Variants in CCL19 observed in about 807,000 individuals in gnomAD.
CCL19 encodes the protein C-C motif chemokine 19.
CCL19 carries 5 observed loss-of-function variants against 9.7 expected under a neutral mutation model. The ratio of observed to expected loss-of-function variants is 0.51; its 90% CI spans 0.27 to 1.08. CCL19 has a LOEUF of 1.08. Ranked by LOEUF, CCL19 falls within the 50% of genes least tolerant of loss-of-function variation. The pLI is 0.12. For synonymous variants in CCL19, 40 were observed against 47.4 expected (o/e 0.84, Z 0.64); for missense variants, 90 against 122.5 (o/e 0.73, Z 1.25).
At position 34,690,837 on chromosome 9, in the gene CCL19, T is replaced by C. The variant is rs184479133; in HGVS notation, c.49+254A>G. ...AACGGAGGCAGCAGGAAATAGAGCTTGCAGAGACAGTCACAGCCATAGGCC... is the reference window on the plus strand; with the variant it reads ...AACGGAGGCAGCAGGAAATAGAGCTCGCAGAGACAGTCACAGCCATAGGCC... On this transcript the variant is annotated intron_variant, in intron 1 of 3. Coordinates refer to ENST00000311925, the MANE Select transcript of CCL19 (RefSeq NM_006274.3). Among the ~76,000 whole-genome samples, 3 of 152,270 alleles carry C rather than the reference T, an allele frequency of 2.0e-5. No individual in the cohort carries two copies. The East Asian group carries it at 5.8e-4, about 29-fold the overall frequency.
rs192142582 is a variant in CCL19 at position 34,689,818 on chromosome 9, G to C, written c.*1C>G. On this transcript the variant is annotated 3_prime_UTR_variant, in exon 4 of 4. Transcript: ENST00000311925. This position sits in a 1 kb window ranked among gnomAD's most constrained non-coding sequence, Gnocchi z 4.1. ...CCGGGCTCCCTCTGCACGGTCATAG[G>C]TTAACTGCTGCGGCGCTTCATCTAG... 1 of 1,614,186 alleles carries C rather than the reference G, an allele frequency of 6.2e-7. No individual in the cohort carries two copies. Among genetic ancestry groups the C allele is most frequent in the East Asian group, 2.2e-5 (1 of 44,880 alleles).
At position 34,691,144 on chromosome 9, in the gene CCL19, G is replaced by A. The variant is rs1362662631; in HGVS notation, c.-5C>T. ...GAGGGCCAGTAGCAGGGCCATGGAG[G>A]GTGAACAGAGGCAGGCCAACGGTGA... On this transcript the variant is annotated 5_prime_UTR_variant, in exon 1 of 4. Transcript: ENST00000311925. 6.2e-7 allele frequency: 1 copy of A among 1,613,314 alleles called. No homozygotes were observed. Among genetic ancestry groups the A allele is most frequent in the Non-Finnish European group, 8.5e-7 (1 of 1,179,678 alleles).
In CCL19 at chr9:34,689,719, C is replaced by A. The variant is rs1293186306; in HGVS notation, c.*100G>T. 6.4e-6 allele frequency: 9 copies of A among 1,410,598 alleles called. No homozygotes were observed. In the African/African-American group the frequency reaches 1.3e-4, roughly 20 times the overall value. 87.4% of individuals were successfully genotyped at this position (1,410,598 alleles called of 1,614,324 possible). A position where few individuals can be genotyped will look rare whatever the true frequency, so the allele number is the denominator to read the frequency against. ...GCTGGTCAGGTCTGGTGCAGAGGAG[C>A]TGGAAGCCTGGTCCTTCCTTCTGGT... On this transcript the variant is annotated 3_prime_UTR_variant, in exon 4 of 4. Coordinates refer to ENST00000311925, the MANE Select transcript of CCL19 (RefSeq NM_006274.3). The surrounding 1 kb of genome is among the most constrained non-coding windows in gnomAD (Gnocchi z 4.1).
chr9:34,689,839 T>A lies in CCL19; in HGVS notation c.277A>T (p.Met93Leu). Residue 93 changes from methionine (M) to leucine (L), a missense_variant and splice_region_variant, in exon 4 of 4, where the codon ATG becomes TTG. Coordinates refer to ENST00000311925, the MANE Select transcript of CCL19 (RefSeq NM_006274.3). This position sits in a 1 kb window ranked among gnomAD's most constrained non-coding sequence, Gnocchi z 4.1. ...ATAGGTTAACTGCTGCGGCGCTTCA[T>A]CTAGAGGAGGAAGGAGAGGAAGGAT... ...IQRLQRTSAKMKRRSS is the reference protein window; with the variant it reads ...IQRLQRTSAKLKRRSS The A allele has an allele frequency of 6.2e-7, 1 of 1,614,052 alleles. No homozygotes were observed. Among genetic ancestry groups the A allele is most frequent in the Non-Finnish European group, 8.5e-7 (1 of 1,180,014 alleles).
intron 1 of CCL19, 114 bp from the exon 2 acceptor site, chr9:34,690,456 GT>G: frequency 2.1e-6 from 2 of 965,328 alleles, no homozygotes; most frequent in African/African-American, 1.6e-5. Context: ...GTGTGTGTGT[GT>G]GTGTGTGTGT....
In CCL19 at chr9:34,690,310, C is replaced by T; in HGVS notation, c.82G>A (p.Asp28Asn). The T allele has an allele frequency of 6.2e-7, 1 of 1,614,068 alleles. No individual in the cohort carries two copies. Among genetic ancestry groups the T allele is most frequent in the Non-Finnish European group, 8.5e-7 (1 of 1,179,982 alleles). Residue 28 changes from aspartate to asparagine, a missense_variant, in exon 2 of 4, where the codon GAC becomes AAC. By Grantham distance (23) the Asp-to-Asn change is conservative. Transcript: ENST00000311925. ...PTLSGTNDAE[D>N]CCLSVTQKPI... ...TTCTGGGTCACAGACAGGCAGCAGT[C>T]TTCAGCATCATTGGTGCCACTCAGA...
Position 34,690,233 on chromosome 9 carries a change from A to G in CCL19, c.159T>C (p.Asp53=). ...ACACTACAGCAGGCACCCTGCAGCC[A>G]TCCTTGATGAGAAGGTAGTGGAAGT... is the stretch of plus-strand genomic sequence containing the variant. The part of the protein sequence containing the change: ...VRNFHYLLIK[D]GCRVPAVVFT... The change falls in exon 2 of 4, where the codon GAT becomes GAC. Residue 53 remains aspartate, a synonymous_variant. Coordinates refer to ENST00000311925, the MANE Select transcript of CCL19 (RefSeq NM_006274.3). 1 of 1,614,178 alleles carries G rather than the reference A, an allele frequency of 6.2e-7. No individual in the cohort carries two copies. Among genetic ancestry groups the G allele is most frequent in the African/African-American group, 1.3e-5 (1 of 75,040 alleles).
At chr9:34,691,051 C>A in intron 1 of CCL19, 40 bp downstream of exon 1, 1 of 1,549,824 alleles carries the variant, frequency 6.5e-7, no homozygotes, top group Non-Finnish European at 8.8e-7. Flanking sequence ...CACTGCCAGC[C>A]CCCCACTGCC....
chr9:34,690,923 T>TA (rs1201441899), intron 1 of CCL19, among the ~76,000 whole-genome samples, 168 bp downstream of exon 1: 2 of 152,122 alleles, frequency 1.3e-5, no homozygotes, highest in Non-Finnish European at 2.9e-5. Flanking sequence ...CACCCACACT[T>TA]ACAGGCACAC....
rs1821779979 is a variant in CCL19, at chr9:34,690,399, T to C, written c.50-57A>G. Reference sequence around the variant, plus strand: ...GGGACCCTTGAGGGTGGCATGGCCATGGCCCTAGCTCGGATTGAGGACACC... The same window carrying C: ...GGGACCCTTGAGGGTGGCATGGCCACGGCCCTAGCTCGGATTGAGGACACC... On this transcript the variant is annotated intron_variant, in intron 1 of 3. Coordinates refer to ENST00000311925, the MANE Select transcript of CCL19 (RefSeq NM_006274.3). 3.3e-5 allele frequency: 52 copies of C among 1,556,480 alleles called. 1 individual carries two copies. Among genetic ancestry groups the C allele is most frequent in the Non-Finnish European group, 4.6e-5 (52 of 1,140,882 alleles).
chr9:34,689,974 A>G lies in CCL19; in HGVS notation c.232T>C (p.Trp78Arg). ...AGTCTCTGGATGATGCGTTCTACCC[A>G]GGGCTGGTCTGGGGGTGCACAGAGC... ...RQLCAPPDQP[W>R]VERIIQRLQR... Residue 78 changes from tryptophan to arginine, a missense_variant, in exon 3 of 4, where the codon TGG becomes CGG. Coordinates refer to ENST00000311925, the MANE Select transcript of CCL19 (RefSeq NM_006274.3). The surrounding 1 kb of genome is among the most constrained non-coding windows in gnomAD (Gnocchi z 4.1). 1 of 1,614,102 alleles carries G rather than the reference A, an allele frequency of 6.2e-7. No homozygotes were observed. Among genetic ancestry groups the G allele is most frequent in the Non-Finnish European group, 8.5e-7 (1 of 1,180,016 alleles).
intron 1 of CCL19, 37 bp downstream of exon 1, chr9:34,691,054 C>G: frequency 1.3e-6 from 2 of 1,563,102 alleles, no homozygotes; most frequent in East Asian, 2.3e-5. Context: ...TGCCAGCCCC[C>G]CACTGCCTCT....
chr9:34,691,140 G>A lies in CCL19; in HGVS notation c.-1C>T. 6.2e-7 allele frequency: 1 copy of A among 1,613,430 alleles called. No homozygotes were observed. The highest frequency in any genetic ancestry group is 1.1e-5 in the South Asian group (1 of 90,868). On this transcript the variant is annotated 5_prime_UTR_variant, in exon 1 of 4. Coordinates refer to ENST00000311925, the MANE Select transcript of CCL19 (RefSeq NM_006274.3). ...GGCTGAGGGCCAGTAGCAGGGCCATGGAGGGTGAACAGAGGCAGGCCAACG... is the reference window on the plus strand; with the variant it reads ...GGCTGAGGGCCAGTAGCAGGGCCATAGAGGGTGAACAGAGGCAGGCCAACG...
intron 1 of CCL19, 42 bp downstream of exon 1, chr9:34,691,049 G>T: frequency 6.5e-7 from 1 of 1,539,880 alleles, no homozygotes; most frequent in Non-Finnish European, 8.8e-7. Flanking sequence ...CCCACTGCCA[G>T]CCCCCCACTG....
rs138935301 is a variant in CCL19, at chr9:34,690,676, G to T, written c.50-334C>A. 1.8e-4 allele frequency among the ~76,000 whole-genome samples: 27 copies of T among 152,242 alleles called. No homozygotes were observed. In the East Asian group the frequency reaches 2.9e-3, roughly 16 times the overall value. ...TCCAGCAAGTAAAGAGTTAATGCAG[G>T]TCACAGTGTGGGAGGGGCGTGGGGT... On this transcript the variant is annotated intron_variant, in intron 1 of 3. Transcript: ENST00000311925.
intron 1 of CCL19, among the ~76,000 whole-genome samples, chr9:34,690,748 A>G (rs1435348467): frequency 1.3e-5 from 2 of 151,954 alleles, no homozygotes; most frequent in African/African-American, 2.4e-5. Context: ...AAATTTTTGA[A>G]TATCAGCCTT....
At chr9:34,691,013 C>A in intron 1 of CCL19, 78 bp downstream of exon 1, 1 of 1,303,316 alleles carries the variant, frequency 7.7e-7, no homozygotes. Flanking sequence ...ACGTCCAGTG[C>A]CAAGCAATCT....
Position 34,689,988 on chromosome 9 carries a change from G to T in CCL19, c.218C>A (p.Pro73His). Reference sequence around the variant, plus strand: ...GCGTTCTACCCAGGGCTGGTCTGGGGGTGCACAGAGCTGGCGGCCCCTCAG... The same window carrying T: ...GCGTTCTACCCAGGGCTGGTCTGGGTGTGCACAGAGCTGGCGGCCCCTCAG... ...TTLRGRQLCA[P>H]PDQPWVERII... The change falls in exon 3 of 4, where the codon CCC (proline) becomes CAC (histidine). Residue 73 changes from proline to histidine, a missense_variant. By Grantham distance (77) the Pro-to-His change is moderately conservative. Transcript: ENST00000311925. The surrounding 1 kb of genome is among the most constrained non-coding windows in gnomAD (Gnocchi z 4.1). 1 of 1,614,124 alleles carries T rather than the reference G, an allele frequency of 6.2e-7. No homozygotes were observed.
rs749265717 is a variant in CCL19, at chr9:34,689,659, C to T, written c.*160G>A. On this transcript the variant is annotated 3_prime_UTR_variant, in exon 4 of 4. Transcript: ENST00000311925. The surrounding 1 kb of genome is among the most constrained non-coding windows in gnomAD (Gnocchi z 4.1). ...CTGACCACACTCACCCTCTCGCTCA[C>T]ACTCACACTCACACACACCCCAGGC... 12 of 771,340 alleles carry T rather than the reference C, an allele frequency of 1.6e-5. No homozygotes were observed. The highest frequency in any genetic ancestry group is 2.2e-5 in the Non-Finnish European group (10 of 456,864). 47.8% of individuals were successfully genotyped at this position (771,340 alleles called of 1,614,324 possible).
Sources: gnomAD v4.1 joint callset for allele counts (sites outside exome capture counted in the v4.1 genomes callset) on GRCh38, gnomAD v4.1.1 for gene constraint, Gnocchi (gnomAD v3.1) non-coding constraint, MANE v1.5 for transcripts, NCBI Gene and HGNC (gene_info 2026-07-23, HGNC 2026-07-21) for gene names.